GNG2: variants seen among roughly 807,000 people sequenced by gnomAD.
The protein encoded by GNG2 is guanine nucleotide-binding protein G(I)/G(S)/G(O) subunit gamma-2.
Under a neutral mutation model 5.5 loss-of-function variants are expected in GNG2, and 5 were observed. The observed-to-expected ratio is 0.91, with a 90% CI of 0.48 to 1.92. GNG2 has a LOEUF of 1.92. Among genes scored for constraint, GNG2 ranks in the 30% most tolerant of loss-of-function variants. The probability of loss-of-function intolerance (pLI) is 0.01; values close to 1 mark genes in which losing one functional copy is unlikely to be tolerated. For synonymous variants in GNG2, 28 were observed against 32.0 expected (o/e 0.88, Z 0.42); for missense variants, 55 against 88.4 (o/e 0.62, Z 1.52).
intron 2 of GNG2, among the ~76,000 whole-genome samples, chr14:51,836,960 C>A (rs145029112): frequency 6.7e-6 from 1 of 149,606 alleles, no homozygotes; most frequent in South Asian, 2.1e-4. Context: ...CGGGTTCAAG[C>A]GATTCTCCTG....
chr14:51,882,934 CAGGAG>C (rs1884187512), intron 2 of GNG2, among the ~76,000 whole-genome samples: 1 of 149,942 alleles, frequency 6.7e-6, no homozygotes, highest in African/African-American at 2.5e-5. Flanking sequence ...GGCTTGAACC[CAGGAG>C]GCGGAGCTTG....
intron 1 of GNG2, among the ~76,000 whole-genome samples, chr14:51,869,037 G>T (rs1231830885): frequency 6.6e-6 from 1 of 152,088 alleles, no homozygotes; most frequent in Non-Finnish European, 1.5e-5. Context: ...TTCCTGTTTT[G>T]GGGAACCAGG....
At position 51,917,443 on chromosome 14, in the gene GNG2, T is replaced by C. The variant is rs137944889; in HGVS notation, c.-29-33207T>C. 1.1e-5 allele frequency: 5 copies of C among 456,068 alleles called. No homozygotes were observed. The East Asian group carries it at 2.1e-4, about 19-fold the overall frequency. The allele number at this position is 456,068 out of a possible 1,614,324, so 28.3% of individuals were successfully genotyped here. A position where few individuals can be genotyped will look rare whatever the true frequency, so the allele number is the denominator to read the frequency against. On this transcript the variant is annotated intron_variant, in intron 2 of 3. Coordinates refer to ENST00000556766, the MANE Select transcript of GNG2 (RefSeq NM_053064.5). The stretch of plus-strand genomic sequence containing the variant: ...GCCTCTGTAATCTTCCTGTGAGACG[T>C]AGCATCCTCCAGGGAGTGAGTTGGA...
chr14:51,966,716 G>A lies in GNG2; in HGVS notation c.*29G>A, dbSNP rs764863716. ...TTTGAGAGGGGCCTGAAGAGCCTCC[G>A]GGCTCCTGGGACATTGATGTAGAGT... is the stretch of plus-strand genomic sequence containing the variant. On this transcript the variant is annotated 3_prime_UTR_variant, in exon 4 of 4. Coordinates refer to ENST00000556766, the MANE Select transcript of GNG2 (RefSeq NM_053064.5). 5.7e-5 allele frequency: 92 copies of A among 1,603,658 alleles called. No individual in the cohort carries two copies. The South Asian group carries it at 7.4e-4, about 13-fold the overall frequency.
chr14:51,894,661 A>G (rs1291045807), intron 2 of GNG2, among the ~76,000 whole-genome samples: 1 of 152,114 alleles, frequency 6.6e-6, no homozygotes, highest in East Asian at 1.9e-4. Context: ...TTTTTTAAGT[A>G]TAATTTTATC....
rs542415941 is a variant in GNG2 at position 51,827,329 on chromosome 14, C to T, written c.-76-339C>T. On this transcript the variant is annotated intron_variant, in intron 1 of 3. Transcript: ENST00000553432. ...CCTCAAACTGGCAGTATCAATATCA[C>T]CTGGGAACTTGTTAGAATTGCAAAC... 3.3e-5 allele frequency among the ~76,000 whole-genome samples: 5 copies of T among 152,292 alleles called. 1 individual carries two copies. The highest frequency in any genetic ancestry group is 1.2e-4 in the African/African-American group (5 of 41,566).
At chr14:51,869,439 G>A (rs920780732) in intron 1 of GNG2, among the ~76,000 whole-genome samples, 2 of 152,146 alleles carry the variant, frequency 1.3e-5, no homozygotes, top group South Asian at 2.1e-4. Context: ...TGTGGACATG[G>A]CGTCTACAAT....
intron 2 of GNG2, among the ~76,000 whole-genome samples, chr14:51,833,456 A>C (rs1358066353): frequency 6.6e-6 from 1 of 152,228 alleles, no homozygotes; most frequent in Admixed American, 6.5e-5. Context: ...AGGAGAAGGC[A>C]AACAGTCCTC....
At chr14:51,857,590 A>T (rs1027352619), upstream of GNG2, among the ~76,000 whole-genome samples, 19 of 152,216 alleles carry the variant, frequency 1.2e-4, no homozygotes, top group African/African-American at 4.6e-4. Flanking sequence ...GACTGGAGGT[A>T]GGAGGACAAA....
intron 2 of GNG2, among the ~76,000 whole-genome samples, chr14:51,832,877 A>C (rs922722062): frequency 6.6e-6 from 1 of 152,224 alleles, no homozygotes; most frequent in Non-Finnish European, 1.5e-5. Flanking sequence ...AGAGCATAGC[A>C]ATAGGCAAAA....
intron 2 of GNG2, among the ~76,000 whole-genome samples, chr14:51,829,929 G>A (rs1204801121): frequency 2.7e-5 from 4 of 149,112 alleles, no homozygotes; most frequent in Admixed American, 1.4e-4. Flanking sequence ...TGCAACTTCC[G>A]CCTCCTGGGT....
At chr14:51,921,515 A>T (rs1237684662) in intron 2 of GNG2, among the ~76,000 whole-genome samples, 2 of 152,210 alleles carry the variant, frequency 1.3e-5, no homozygotes, top group Non-Finnish European at 2.9e-5. Flanking sequence ...TTAAAGCACA[A>T]CTTTTTATTG....
At chr14:51,895,044 GA>G (rs11428089) in intron 2 of GNG2, among the ~76,000 whole-genome samples, 27 of 148,390 alleles carry the variant, frequency 1.8e-4, no homozygotes, top group African/African-American at 4.7e-4. Context: ...AAAAGAATAG[GA>G]AAAAAAAAAC....
intron 3 of GNG2, among the ~76,000 whole-genome samples, chr14:51,951,333 C>T (rs1460811481): frequency 1.3e-5 from 2 of 152,206 alleles, no homozygotes; most frequent in Non-Finnish European, 2.9e-5. Context: ...CTCTCCCTCC[C>T]CAGACCTAAC....
At chr14:51,952,706 G>T (rs936684789) in intron 3 of GNG2, among the ~76,000 whole-genome samples, 1 of 152,168 alleles carries the variant, frequency 6.6e-6, no homozygotes, top group Admixed American at 6.5e-5. Flanking sequence ...AATAGAAATA[G>T]AGCTTTTCAG....
In GNG2 at chr14:51,950,222, G is replaced by A. The variant is rs144952848; in HGVS notation, c.-29-428G>A. 5.1e-3 allele frequency among the ~76,000 whole-genome samples: 784 copies of A among 152,262 alleles called. 6 individuals are homozygous for A. Among genetic ancestry groups the A allele is most frequent in the Non-Finnish European group, 7.5e-3 (507 of 68,016 alleles). On this transcript the variant is annotated intron_variant, in intron 2 of 3. Coordinates refer to ENST00000556766, the MANE Select transcript of GNG2 (RefSeq NM_053064.5). ...TGAGGAATTATGAGTAAAGTAGATC[G>A]TTGTGACTCAAACTTTAATTTCAAA...
chr14:51,889,771 A>T (rs1884723751), intron 2 of GNG2, among the ~76,000 whole-genome samples: 1 of 152,234 alleles, frequency 6.6e-6, no homozygotes, highest in South Asian at 2.1e-4. Flanking sequence ...GTGTTCGCAG[A>T]TACAAGGTAG....
intron 1 of GNG2, among the ~76,000 whole-genome samples, chr14:51,869,579 C>T (rs993524172): frequency 3.9e-5 from 6 of 152,196 alleles, no homozygotes; most frequent in African/African-American, 1.4e-4. Context: ...GTGGCATGAT[C>T]ATGACTCATT....
At chr14:51,852,569 G>C (rs1881956824) in intron 2 of GNG2, among the ~76,000 whole-genome samples, 1 of 152,216 alleles carries the variant, frequency 6.6e-6, no homozygotes, top group Non-Finnish European at 1.5e-5. Flanking sequence ...CCCTAGCTTA[G>C]TCATTTTCCT....
Sources: gnomAD v4.1 joint callset for allele counts (sites outside exome capture counted in the v4.1 genomes callset) on GRCh38, gnomAD v4.1.1 for gene constraint, MANE v1.5 for transcripts, NCBI Gene and HGNC (gene_info 2026-07-23, HGNC 2026-07-21) for gene names.